Variants in FAAH2 observed in about 807,000 individuals in gnomAD.
FAAH2 encodes fatty-acid amide hydrolase 2.
In FAAH2, 60 loss-of-function variants were observed where a neutral mutation model predicts 36.9. That is an observed-to-expected ratio of 1.63 (90% confidence interval 1.32 to 2.02). The LOEUF is 2.02. FAAH2 is among the 30% of genes most tolerant of loss of function. FAAH2 has a pLI of 0.00. For synonymous variants in FAAH2, 214 were observed against 143.8 expected (o/e 1.49, Z -3.49); for missense variants, 689 against 397.5 (o/e 1.73, Z -6.23).
chrX:57,333,009 A>G (rs1164017767), intron 4 of FAAH2, among the ~76,000 whole-genome samples: 1 of 111,629 alleles, frequency 9.0e-6, no homozygotes, highest in Non-Finnish European at 1.9e-5. Context: ...AGGGTCACAG[A>G]GCAGGGGCAC....
chrX:57,219,427 C>T, the FAAH2 span, among the ~76,000 whole-genome samples: 2 of 111,864 alleles, frequency 1.8e-5, no homozygotes, highest in African/African-American at 6.5e-5. Context: ...AAGGAAGGTC[C>T]TCAGCCTCCA....
chrX:57,166,193 C>T, the FAAH2 span, among the ~76,000 whole-genome samples: 88 of 110,341 alleles, frequency 8.0e-4, no homozygotes, highest in Admixed American at 1.6e-3. Flanking sequence ...CTCCATCCCC[C>T]CTCTGGCTTT....
At position 57,363,075 on chromosome X, in the gene FAAH2, A is replaced by G. The variant is rs186698488; in HGVS notation, c.743-15576A>G. Among the ~76,000 whole-genome samples, 4 of 112,027 alleles carry G rather than the reference A, an allele frequency of 3.6e-5. No individual in the cohort carries two copies. The East Asian group carries it at 1.1e-3, about 31-fold the overall frequency. On this transcript the variant is annotated intron_variant, in intron 5 of 10. Transcript: ENST00000374900. ...CTATTCGGGCTTTTCTTGGTTCCAT[A>G]TGAATTTTAGAATAGATTATTCTAA... is the stretch of plus-strand genomic sequence containing the variant.
intron 5 of FAAH2, among the ~76,000 whole-genome samples, chrX:57,349,056 G>GAA (rs34248666): frequency 3.0e-4 from 4 of 13,149 alleles, no homozygotes; most frequent in African/African-American, 3.5e-4. Flanking sequence ...GTATAAATGA[G>GAA]AAATATATAT....
chrX:57,408,831 A>T (rs1224529390), intron 7 of FAAH2, among the ~76,000 whole-genome samples: 1 of 111,428 alleles, frequency 9.0e-6, no homozygotes, highest in Non-Finnish European at 1.9e-5. Context: ...TGATACTATG[A>T]TTTTTATCCT....
At chrX:57,315,450 C>T (rs1299490804) in intron 3 of FAAH2, among the ~76,000 whole-genome samples, 1 of 111,407 alleles carries the variant, frequency 9.0e-6, no homozygotes, top group South Asian at 3.7e-4. Context: ...GGCAGAGACA[C>T]AACAGAAAAC....
chrX:57,150,165 T>A, the FAAH2 span, among the ~76,000 whole-genome samples: 1 of 111,895 alleles, frequency 8.9e-6, no homozygotes, highest in African/African-American at 3.3e-5. Flanking sequence ...TTGCTGAGGA[T>A]TGCTTTACTT....
intron 10 of FAAH2, among the ~76,000 whole-genome samples, chrX:57,463,085 G>A (rs2056989404): frequency 9.0e-6 from 1 of 111,055 alleles, no homozygotes; most frequent in African/African-American, 3.3e-5. Flanking sequence ...TAAAAACCCA[G>A]GAATACAACT....
At chrX:57,165,929 C>T in the FAAH2 span, among the ~76,000 whole-genome samples, 2 of 110,256 alleles carry the variant, frequency 1.8e-5, no homozygotes, top group African/African-American at 6.6e-5. Flanking sequence ...TGCCATGCCC[C>T]CCATCCTGTG....
chrX:57,306,675 G>A (rs188743470), intron 2 of FAAH2, among the ~76,000 whole-genome samples: 48 of 86,678 alleles, frequency 5.5e-4, no homozygotes, highest in African/African-American at 1.9e-3. Context: ...TCAGTACAAC[G>A]AGACTAGCAA....
intron 10 of FAAH2, among the ~76,000 whole-genome samples, chrX:57,487,694 C>T (rs1464149854): frequency 8.9e-6 from 1 of 111,809 alleles, no homozygotes; most frequent in African/African-American, 3.2e-5. Flanking sequence ...GGTGCAGACT[C>T]TTTGGAAAAC....
At chrX:57,148,244 G>A in the FAAH2 span, among the ~76,000 whole-genome samples, 9 of 111,540 alleles carry the variant, frequency 8.1e-5, no homozygotes, top group Non-Finnish European at 1.7e-4. Flanking sequence ...TGGTGATGCA[G>A]GCTCTTTTTT....
At chrX:57,371,623 A>G (rs1407301336) in intron 5 of FAAH2, among the ~76,000 whole-genome samples, 1 of 79,031 alleles carries the variant, frequency 1.3e-5, no homozygotes, top group African/African-American at 3.6e-5. Flanking sequence ...GGGTTGGATC[A>G]CAGTTCTATT....
At chrX:57,450,738 T>G (rs1035472438) in intron 10 of FAAH2, among the ~76,000 whole-genome samples, 1 of 111,473 alleles carries the variant, frequency 9.0e-6, no homozygotes, top group African/African-American at 3.3e-5. Context: ...GCCTTGGCTT[T>G]CTTACAGCTA....
At chrX:57,195,596 T>G in the FAAH2 span, among the ~76,000 whole-genome samples, 3 of 112,048 alleles carry the variant, frequency 2.7e-5, no homozygotes, top group South Asian at 1.1e-3. Context: ...CTGTGAGGCT[T>G]TTTAGTTTAA....
chrX:57,466,156 C>CTCTCTCTATATATATATA (rs1287266105), intron 10 of FAAH2, among the ~76,000 whole-genome samples: 18 of 66,392 alleles, frequency 2.7e-4, no homozygotes, highest in African/African-American at 3.5e-4. Context: ...CTCTCTCTCT[C>CTCTCTCTATATATATATA]TATATATATA....
At chrX:57,256,533 T>C in the FAAH2 span, among the ~76,000 whole-genome samples, 1 of 110,947 alleles carries the variant, frequency 9.0e-6, no homozygotes, top group African/African-American at 3.3e-5. Context: ...ATTACAAGGC[T>C]AAAAATCAAC....
chrX:57,271,641 C>T, the FAAH2 span, among the ~76,000 whole-genome samples: 3 of 112,035 alleles, frequency 2.7e-5, no homozygotes, highest in Non-Finnish European at 5.6e-5. Flanking sequence ...GAGTGGACCT[C>T]CAGCAAACTC....
At chrX:57,231,476 T>A in the FAAH2 span, among the ~76,000 whole-genome samples, 4 of 111,908 alleles carry the variant, frequency 3.6e-5, no homozygotes, top group South Asian at 1.5e-3. Flanking sequence ...ATTTTTTAGC[T>A]TTTTTTGTAA....
Sources: allele counts gnomAD v4.1 joint callset (sites outside exome capture counted in the v4.1 genomes callset), GRCh38; gene constraint gnomAD v4.1.1; transcripts MANE v1.5; gene names NCBI Gene and HGNC (gene_info 2026-07-23, HGNC 2026-07-21).